Variants in POFUT3 observed in about 807,000 individuals in gnomAD.
The protein encoded by POFUT3 is GDP-fucose protein O-fucosyltransferase 3.
At chr8:33,380,164 T>C in the POFUT3 span, among the ~76,000 whole-genome samples, 1 of 45,686 alleles carries the variant, frequency 2.2e-5, no homozygotes, top group Non-Finnish European at 3.4e-5. Context: ...ATATATATAC[T>C]ATATATATAT....
chr8:33,439,504 AC>A, the POFUT3 span, among the ~76,000 whole-genome samples: 1 of 152,152 alleles, frequency 6.6e-6, no homozygotes, highest in African/African-American at 2.4e-5. Flanking sequence ...TCAGAATCAA[AC>A]AAAATAAAAA....
the POFUT3 span, among the ~76,000 whole-genome samples, chr8:33,355,238 CT>C: frequency 6.6e-6 from 1 of 152,186 alleles, no homozygotes; most frequent in Non-Finnish European, 1.5e-5. Flanking sequence ...TTATATCTTC[CT>C]TCCTAAAGAA....
At chr8:33,328,905 T>A in the POFUT3 span, among the ~76,000 whole-genome samples, 1 of 152,186 alleles carries the variant, frequency 6.6e-6, no homozygotes, top group Non-Finnish European at 1.5e-5. Flanking sequence ...CAGACACCCA[T>A]CCATCAGTAA....
chr8:33,412,100 G>C, the POFUT3 span, among the ~76,000 whole-genome samples: 3,618 of 152,158 alleles, frequency 0.024, 136 homozygotes, highest in African/African-American at 0.081. Flanking sequence ...AAATAACAAG[G>C]CTGTGTATTT....
chr8:33,345,885 G>T, the POFUT3 span, among the ~76,000 whole-genome samples: 1 of 150,714 alleles, frequency 6.6e-6, no homozygotes, highest in Admixed American at 6.6e-5. Context: ...GAGTGCAACG[G>T]GGTGATCTTG....
chr8:33,406,443 T>C, the POFUT3 span, among the ~76,000 whole-genome samples: 1 of 152,094 alleles, frequency 6.6e-6, no homozygotes, highest in Non-Finnish European at 1.5e-5. Flanking sequence ...CTAGTATACT[T>C]CTTTTTTATT....
chr8:33,320,710 G>A, the POFUT3 span, among the ~76,000 whole-genome samples: 2 of 152,098 alleles, frequency 1.3e-5, no homozygotes, highest in African/African-American at 2.4e-5. Flanking sequence ...ACTGGAAGCT[G>A]AAGTGGAGCT....
At chr8:33,318,602 ATAAATATATT>A in the POFUT3 span, among the ~76,000 whole-genome samples, 1 of 98,376 alleles carries the variant, frequency 1.0e-5, no homozygotes, top group Non-Finnish European at 1.8e-5. Flanking sequence ...TATATAATAT[ATAAATATATT>A]GTATATATAT....
the POFUT3 span, among the ~76,000 whole-genome samples, chr8:33,314,717 GA>G: frequency 2.0e-4 from 31 of 152,138 alleles, no homozygotes; most frequent in Non-Finnish European, 3.4e-4. Flanking sequence ...TTTTTCGTAG[GA>G]AAAACGGTGA....
the POFUT3 span, among the ~76,000 whole-genome samples, chr8:33,366,928 T>A: frequency 5.3e-5 from 8 of 152,094 alleles, no homozygotes; most frequent in African/African-American, 1.9e-4. Flanking sequence ...TTACTCTTAT[T>A]TTTGTCACAC....
the POFUT3 span, among the ~76,000 whole-genome samples, chr8:33,390,353 A>G: frequency 6.6e-6 from 1 of 152,168 alleles, no homozygotes; most frequent in Admixed American, 6.5e-5. Flanking sequence ...GAAAAAGGAA[A>G]CAGGAGTCGT....
chr8:33,364,982 A>C, the POFUT3 span, among the ~76,000 whole-genome samples: 5 of 152,210 alleles, frequency 3.3e-5, no homozygotes. Context: ...ACAAAGCTGG[A>C]GGCATCATGC....
At chr8:33,436,184 C>T in the POFUT3 span, 1 of 1,246,184 alleles carries the variant, frequency 8.0e-7, no homozygotes, top group Non-Finnish European at 1.1e-6. Flanking sequence ...TCCTAAGGGA[C>T]TGAATGCACC....
chr8:33,442,201 G>A, the POFUT3 span, among the ~76,000 whole-genome samples: 1 of 152,008 alleles, frequency 6.6e-6, no homozygotes, highest in Non-Finnish European at 1.5e-5. Context: ...TCCTGACCTT[G>A]TGATCTGCCC....
the POFUT3 span, among the ~76,000 whole-genome samples, chr8:33,336,611 T>C: frequency 6.6e-6 from 1 of 152,110 alleles, no homozygotes; most frequent in African/African-American, 2.4e-5. Context: ...TAAAAAGGTA[T>C]TCAGAAAGCC....
chr8:33,326,819 C>A, the POFUT3 span, among the ~76,000 whole-genome samples: 4 of 152,126 alleles, frequency 2.6e-5, no homozygotes, highest in East Asian at 1.9e-4. Context: ...CCTCTGTGAC[C>A]CAGGGTGGAG....
At chr8:33,340,170 T>G in the POFUT3 span, among the ~76,000 whole-genome samples, 69 of 152,158 alleles carry the variant, frequency 4.5e-4, no homozygotes, top group Non-Finnish European at 9.4e-4. Flanking sequence ...CACCAGCCAA[T>G]TGTAAAGTTC....
chr8:33,414,616 T>C, the POFUT3 span, among the ~76,000 whole-genome samples: 1 of 152,174 alleles, frequency 6.6e-6, no homozygotes, highest in Non-Finnish European at 1.5e-5. Flanking sequence ...CTGTCTGTTG[T>C]CCATCATTCA....
the POFUT3 span, among the ~76,000 whole-genome samples, chr8:33,352,087 C>G: frequency 2.0e-5 from 3 of 152,224 alleles, no homozygotes; most frequent in Admixed American, 2.0e-4. Flanking sequence ...TCAATGGGAC[C>G]AAGTTGTAAA....
Sources: gnomAD v4.1 joint callset for allele counts (sites outside exome capture counted in the v4.1 genomes callset) on GRCh38, gnomAD v4.1.1 for gene constraint, MANE v1.5 for transcripts, NCBI Gene and HGNC (gene_info 2026-07-23, HGNC 2026-07-21) for gene names.